GTF2IRD1: variants seen among roughly 807,000 people sequenced by gnomAD.
GTF2IRD1 encodes GTF2I repeat domain containing 1, also known as general transcription factor II-I repeat domain-containing protein 1.
A neutral mutation model predicts 113.2 loss-of-function variants in GTF2IRD1; 26 were observed. The ratio of observed to expected loss-of-function variants is 0.23; its 90% confidence interval spans 0.17 to 0.32. The LOEUF (loss-of-function observed/expected upper bound fraction) is 0.32. Ranked by LOEUF, GTF2IRD1 falls within the 10% of genes least tolerant of loss-of-function variation. The pLI is 1.00. For missense variants in GTF2IRD1, 864 were observed against 1,280.8 expected (o/e 0.67, Z 4.97); for synonymous variants, 484 against 529.1 (o/e 0.91, Z 1.17).
At chr7:74,486,336 G>T (rs890478954) in intron 1 of GTF2IRD1, among the ~76,000 whole-genome samples, 1 of 152,182 alleles carries the variant, frequency 6.6e-6, no homozygotes, top group South Asian at 2.1e-4. Context: ...TGGTCCAGCC[G>T]CAGGCAGCTG....
At chr7:74,501,217 T>G (rs1157032490) in intron 1 of GTF2IRD1, among the ~76,000 whole-genome samples, 1 of 152,098 alleles carries the variant, frequency 6.6e-6, no homozygotes, top group Admixed American at 6.6e-5. Flanking sequence ...GGTTGGGCAG[T>G]GCAGAGCCGA....
chr7:74,543,737 A>G (rs1798756771), intron 14 of GTF2IRD1, among the ~76,000 whole-genome samples: 1 of 151,772 alleles, frequency 6.6e-6, no homozygotes, highest in African/African-American at 2.4e-5. Flanking sequence ...CTGTCTCTAC[A>G]AAAAATTTTA....
At chr7:74,594,953 A>G in intron 24 of GTF2IRD1, 61 bp from the exon 25 acceptor site, 1 of 1,297,488 alleles carries the variant, frequency 7.7e-7, no homozygotes, top group Non-Finnish European at 1.1e-6. Flanking sequence ...CTCCATCTCA[A>G]AAAAATAAAG....
intron 1 of GTF2IRD1, among the ~76,000 whole-genome samples, chr7:74,482,733 T>C (rs1794813380): frequency 6.6e-6 from 1 of 152,126 alleles, no homozygotes; most frequent in Non-Finnish European, 1.5e-5. Context: ...GAATGTGGCC[T>C]CCTTTTGAAC....
chr7:74,545,532 G>A (rs1798871163), intron 15 of GTF2IRD1, among the ~76,000 whole-genome samples: 2 of 152,126 alleles, frequency 1.3e-5, no homozygotes, highest in Admixed American at 1.3e-4. Flanking sequence ...CGGTGCCCTA[G>A]ATTTGATTTC....
At chr7:74,517,403 GTC>G in intron 4 of GTF2IRD1, among the ~76,000 whole-genome samples, 1 of 140,398 alleles carries the variant, frequency 7.1e-6, no homozygotes, top group Non-Finnish European at 1.5e-5. Context: ...CCCCCTCTCG[GTC>G]TCTCTCCCTT....
chr7:74,519,847 G>A, intron 6 of GTF2IRD1, 128 bp downstream of exon 6: 1 of 659,116 alleles, frequency 1.5e-6, no homozygotes, highest in Admixed American at 2.9e-5. Context: ...GTCTGGGCAT[G>A]GGAGTGGGAC....
Position 74,576,617 on chromosome 7 carries a change from CTTTTTTTTTTTTTTTTT to C in GTF2IRD1, c.2321-13218_2321-13202del, listed in dbSNP as rs1165378230. 2.4e-4 allele frequency among the ~76,000 whole-genome samples: 12 copies of C among 49,368 alleles called. 2 individuals carry two copies. The East Asian group carries it at 5.2e-3, about 22-fold the overall frequency. The allele number at this position is 49,368 out of a possible 152,430, so 32.4% of individuals were successfully genotyped here. On this transcript the variant is annotated intron_variant, in intron 22 of 26. Transcript: ENST00000424337. ...TCTAGGGGAAAATCTATTTCCTTGT[CTTTTTTTTTTTTTTTTT>C]TTTTTTTTTTTTTTTGAGACAGAGT...
rs1416077456 is a variant in GTF2IRD1 at position 74,475,364 on chromosome 7, T to A, written c.-7+21188T>A. 3.9e-5 allele frequency among the ~76,000 whole-genome samples: 6 copies of A among 152,330 alleles called. 1 individual carries two copies. Among genetic ancestry groups the A allele is most frequent in the African/African-American group, 1.4e-4 (6 of 41,576 alleles). On this transcript the variant is annotated intron_variant, in intron 1 of 26. Coordinates refer to ENST00000424337, the MANE Select transcript of GTF2IRD1 (RefSeq NM_005685.4). The stretch of plus-strand genomic sequence containing the variant: ...GTGAGGAAGGGACAGGGTGTTAATA[T>A]GTCTTCATTGGAGGGTACTGGGGCC...
chr7:74,488,743 G>A (rs1409462342), intron 1 of GTF2IRD1, among the ~76,000 whole-genome samples: 1 of 152,062 alleles, frequency 6.6e-6, no homozygotes, highest in African/African-American at 2.4e-5. Context: ...TCCAGCCTGG[G>A]TGACAGAAGA....
chr7:74,518,334 AGCCGGCCCGGG>A lies in GTF2IRD1; in HGVS notation c.605+15_605+25del. ...TTCAAGCTCAAGAGGTGAGTGAGGT[AGCCGGCCCGGG>A]GCTGGGCTGGGGCTGGGCCAGGGCC... On this transcript the variant is annotated intron_variant, in intron 5 of 26. Transcript: ENST00000424337. The A allele has an allele frequency of 6.4e-7, 1 of 1,571,764 alleles. No individual in the cohort carries two copies. Among genetic ancestry groups the A allele is most frequent in the Non-Finnish European group, 8.7e-7 (1 of 1,151,032 alleles).
At chr7:74,573,679 C>T (rs1408010327) in intron 22 of GTF2IRD1, among the ~76,000 whole-genome samples, 1 of 152,140 alleles carries the variant, frequency 6.6e-6, no homozygotes, top group Non-Finnish European at 1.5e-5. Flanking sequence ...AGGGTGGTAA[C>T]CATGGCTCAG....
At chr7:74,574,174 GTATTTTTAGT>G (rs1800864463) in intron 22 of GTF2IRD1, among the ~76,000 whole-genome samples, 1 of 54,338 alleles carries the variant, frequency 1.8e-5, no homozygotes, top group African/African-American at 6.7e-5. Flanking sequence ...TTTTTTTTTT[GTATTTTTAGT>G]AGAGACTGGA....
At chr7:74,518,366 G>A in intron 5 of GTF2IRD1, 44 bp downstream of exon 5, 2 of 1,495,096 alleles carry the variant, frequency 1.3e-6, no homozygotes, top group Non-Finnish European at 1.8e-6. Context: ...GGCTGGGCCA[G>A]GGCCGGGTCA....
At chr7:74,489,025 C>G (rs189619066) in intron 1 of GTF2IRD1, among the ~76,000 whole-genome samples, 1 of 151,632 alleles carries the variant, frequency 6.6e-6, no homozygotes, top group Admixed American at 6.6e-5. Context: ...TCCTGTAATC[C>G]CAGCTACTCA....
At chr7:74,595,945 C>T (rs1474972222) in intron 25 of GTF2IRD1, 2 of 152,190 alleles carry the variant, frequency 1.3e-5, no homozygotes, top group Non-Finnish European at 1.5e-5. Flanking sequence ...ACCTGGGGGC[C>T]GCCTGGCATG....
Position 74,519,489 on chromosome 7 carries a change from A to G in GTF2IRD1, c.686A>G (p.Asp229Gly). 6.2e-7 allele frequency: 1 copy of G among 1,609,234 alleles called. No homozygotes were observed. Among genetic ancestry groups the G allele is most frequent in the Non-Finnish European group, 8.5e-7 (1 of 1,177,794 alleles). Residue 229 changes from aspartate to glycine, a missense_variant, in exon 6 of 27, where the codon GAC becomes GGC. Around this residue, in one of 7 missense-constraint regions of GTF2IRD1, gnomAD observed 195 missense variants for 196.6 expected, o/e 0.99. Transcript: ENST00000424337. ...GVSLIPKGSR[D>G]CGLHGQAPKV... is the part of the protein sequence containing the mutation. ...TCCCTGATTCCCAAGGGGTCACGGG[A>G]CTGTGGCCTGCATGGCCAGGCCCCC...
chr7:74,585,502 CAGG>C (rs1325777055), intron 22 of GTF2IRD1, among the ~76,000 whole-genome samples: 29 of 152,246 alleles, frequency 1.9e-4, no homozygotes, highest in African/African-American at 7.0e-4. Context: ...TGTCCCGACA[CAGG>C]AGAAGACAGA....
At chr7:74,536,039 A>G in intron 10 of GTF2IRD1, 128 bp from the exon 11 acceptor site, 1 of 616,668 alleles carries the variant, frequency 1.6e-6, no homozygotes, top group South Asian at 2.0e-5. Context: ...GGCGCCCACA[A>G]GGACAGGCAG....
Sources: allele counts gnomAD v4.1 joint callset (sites outside exome capture counted in the v4.1 genomes callset), GRCh38; gene constraint gnomAD v4.1.1; regional missense constraint gnomAD v4.1.1; transcripts MANE v1.5; gene names NCBI Gene and HGNC (gene_info 2026-07-23, HGNC 2026-07-21).